Variants in CXCL13 observed in about 807,000 individuals in gnomAD.
The protein encoded by CXCL13 is C-X-C motif chemokine ligand 13.
In CXCL13, 7 loss-of-function variants were observed where a neutral mutation model predicts 12.2. The observed-to-expected ratio is 0.57, with a 90% CI of 0.33 to 1.07. The LOEUF (loss-of-function observed/expected upper bound fraction) is 1.07. Ranked by LOEUF, CXCL13 falls within the 50% of genes least tolerant of loss-of-function variation. CXCL13 has a pLI of 0.04. For missense variants in CXCL13, 113 were observed against 127.4 expected (o/e 0.89, Z 0.55); for synonymous variants, 47 against 42.4 (o/e 1.11, Z -0.42).
intron 1 of CXCL13, among the ~76,000 whole-genome samples, chr4:77,596,999 G>T (rs1053712118): frequency 3.3e-5 from 5 of 152,062 alleles, no homozygotes; most frequent in Non-Finnish European, 5.9e-5. Context: ...TGAAAATGCT[G>T]CCATTTGCAA....
In CXCL13 at chr4:77,538,649, A is replaced by G. The variant is rs184897450; in HGVS notation, c.-43+26861A>G. Reference sequence around the variant, plus strand: ...TCTGACAAAGCCCACTAGAGATGGTAGACCCACTGGTAGAAATGGCTACCT... The same window carrying G: ...TCTGACAAAGCCCACTAGAGATGGTGGACCCACTGGTAGAAATGGCTACCT... On this transcript the variant is annotated intron_variant, in intron 1 of 4. Transcript: ENST00000286758. 1.1e-3 allele frequency among the ~76,000 whole-genome samples: 164 copies of G among 152,276 alleles called. 1 individual carries two copies. The highest frequency in any genetic ancestry group is 3.8e-3 in the African/African-American group (159 of 41,554).
At position 77,586,158 on chromosome 4, in the gene CXCL13, A is replaced by C. The variant is rs146980315; in HGVS notation, c.-42-19666A>C. Among the ~76,000 whole-genome samples the C allele has an allele frequency of 6.4e-3, 970 of 152,122 alleles. 13 individuals carry two copies. The highest frequency in any genetic ancestry group is 0.022 in the African/African-American group (912 of 41,480). ...AAAAGTCCTTTTCACATTTATCCTG[A>C]ATCTCAGTGACCATATGCATAACCT... On this transcript the variant is annotated intron_variant, in intron 1 of 4. Transcript: ENST00000286758.
chr4:77,577,981 C>T (rs960620018), intron 1 of CXCL13, among the ~76,000 whole-genome samples: 6 of 152,158 alleles, frequency 3.9e-5, no homozygotes, highest in Non-Finnish European at 7.3e-5. Flanking sequence ...ATGCGACACT[C>T]CCCTCAGATG....
intron 1 of CXCL13, among the ~76,000 whole-genome samples, chr4:77,538,423 CTTTT>C (rs80263344): frequency 4.0e-5 from 5 of 124,176 alleles, no homozygotes; most frequent in Non-Finnish European, 3.4e-5. Context: ...AATGTCTTGT[CTTTT>C]TTTTTTTTTT....
At chr4:77,551,924 T>C (rs904540771) in intron 1 of CXCL13, among the ~76,000 whole-genome samples, 4 of 152,240 alleles carry the variant, frequency 2.6e-5, no homozygotes, top group Non-Finnish European at 5.9e-5. Context: ...AGTGAGTTTT[T>C]CAATTCCAGA....
chr4:77,543,487 AT>A (rs1725256726), intron 1 of CXCL13, among the ~76,000 whole-genome samples: 1 of 152,058 alleles, frequency 6.6e-6, no homozygotes, highest in Non-Finnish European at 1.5e-5. Flanking sequence ...TGACATAGGC[AT>A]TTAGCACTAT....
At chr4:77,570,405 T>G (rs1028980694) in intron 1 of CXCL13, among the ~76,000 whole-genome samples, 2 of 152,128 alleles carry the variant, frequency 1.3e-5, no homozygotes, top group African/African-American at 4.8e-5. Flanking sequence ...TATAATAAAC[T>G]TACAAGAAAA....
intron 1 of CXCL13, among the ~76,000 whole-genome samples, chr4:77,595,488 G>A (rs1192195907): frequency 6.6e-6 from 1 of 152,134 alleles, no homozygotes; most frequent in Non-Finnish European, 1.5e-5. Context: ...GTTCACTTTT[G>A]GACCCTGAGT....
Position 77,531,338 on chromosome 4 carries a change from T to A in CXCL13, c.-43+19550T>A, listed in dbSNP as rs369648330. 4.2e-5 allele frequency among the ~76,000 whole-genome samples: 6 copies of A among 141,506 alleles called. No individual in the cohort carries two copies. In the East Asian group the frequency reaches 1.1e-3, roughly 25 times the overall value. The allele number at this position is 141,506 out of a possible 152,430, so 92.8% of individuals were successfully genotyped here. A position where few individuals can be genotyped will look rare whatever the true frequency, so the allele number is the denominator to read the frequency against. ...CCCTTCCTGTGTCCATGTGTTCTCA[T>A]TGTTCAATTCCTGTGAGTGAGAACA... On this transcript the variant is annotated intron_variant, in intron 1 of 4. Transcript: ENST00000286758.
intron 1 of CXCL13, among the ~76,000 whole-genome samples, chr4:77,576,791 A>T (rs1726208714): frequency 6.6e-6 from 1 of 152,226 alleles, no homozygotes; most frequent in Admixed American, 6.5e-5. Context: ...ACTGTACACA[A>T]ATAATCAGGC....
At chr4:77,515,790 AC>A (rs1381290611) in intron 1 of CXCL13, among the ~76,000 whole-genome samples, 3 of 152,146 alleles carry the variant, frequency 2.0e-5, no homozygotes, top group Non-Finnish European at 2.9e-5. Flanking sequence ...CTAACTGAAT[AC>A]CCTTTATTTC....
chr4:77,544,905 T>C (rs180671330), intron 1 of CXCL13, among the ~76,000 whole-genome samples: 1 of 152,204 alleles, frequency 6.6e-6, no homozygotes, highest in Non-Finnish European at 1.5e-5. Flanking sequence ...CTTTAATCCA[T>C]CTTGAATTAA....
chr4:77,550,282 A>C (rs1328787003), intron 1 of CXCL13, among the ~76,000 whole-genome samples: 2 of 152,042 alleles, frequency 1.3e-5, no homozygotes, highest in African/African-American at 4.8e-5. Context: ...GAATTCCCCA[A>C]CCCCTTTTGC....
At chr4:77,523,260 T>C (rs1724662009) in intron 1 of CXCL13, among the ~76,000 whole-genome samples, 1 of 152,228 alleles carries the variant, frequency 6.6e-6, no homozygotes, top group Non-Finnish European at 1.5e-5. Flanking sequence ...TGGCCTGCCT[T>C]GCTATGTTGG....
At chr4:77,603,141 C>A (rs59647595), upstream of CXCL13, among the ~76,000 whole-genome samples, 4,602 of 152,212 alleles carry the variant, frequency 0.03, 204 homozygotes, top group African/African-American at 0.1. Context: ...ATACTCTTCC[C>A]GTTCTTGTCA....
chr4:77,550,377 A>G lies in CXCL13; in HGVS notation c.-43+38589A>G, dbSNP rs569479886. Among the ~76,000 whole-genome samples the G allele has an allele frequency of 4.6e-5, 7 of 152,296 alleles. No homozygotes were observed. The South Asian group carries it at 1.5e-3, about 32-fold the overall frequency. On this transcript the variant is annotated intron_variant, in intron 1 of 4. Transcript: ENST00000286758. ...TGTCCAGCCAGTCCCAATGAGACGA[A>G]CCCAGTATCCCAGTTGGAAATGCAG...
rs531393668 is a variant in CXCL13, at chr4:77,538,621, C to T, written c.-43+26833C>T. 3.3e-5 allele frequency among the ~76,000 whole-genome samples: 5 copies of T among 152,202 alleles called. No homozygotes were observed. The South Asian group carries it at 1.0e-3, about 32-fold the overall frequency. ...GGTAGAAGAGGGTAATAGTCAGGTT[C>T]ACTCTGACAAAGCCCACTAGAGATG... On this transcript the variant is annotated intron_variant, in intron 1 of 4. Coordinates refer to the CXCL13 transcript ENST00000286758.
chr4:77,539,961 T>C (rs961144949), intron 1 of CXCL13, among the ~76,000 whole-genome samples: 4 of 152,158 alleles, frequency 2.6e-5, no homozygotes, highest in Admixed American at 6.5e-5. Context: ...GTCTCTATTA[T>C]TGTCCTTGAC....
intron 1 of CXCL13, among the ~76,000 whole-genome samples, chr4:77,583,336 C>A (rs762390975): frequency 3.0e-4 from 45 of 152,180 alleles, no homozygotes; most frequent in Non-Finnish European, 6.0e-4. Flanking sequence ...TGAGTGATGC[C>A]TTCCATCCTT....
Sources: allele counts gnomAD v4.1 joint callset (sites outside exome capture counted in the v4.1 genomes callset), GRCh38; gene constraint gnomAD v4.1.1; transcripts MANE v1.5; gene names NCBI Gene and HGNC (gene_info 2026-07-23, HGNC 2026-07-21).